Variants in KCTD14 observed in about 807,000 individuals in gnomAD.
KCTD14 encodes potassium channel tetramerization domain containing 14, also known as BTB/POZ domain-containing protein KCTD14.
KCTD14 carries 7 observed loss-of-function variants against 5.9 expected under a neutral mutation model. The observed-to-expected ratio is 1.19, with a 90% confidence interval of 0.68 to 2.23. The LOEUF (loss-of-function observed/expected upper bound fraction) is 2.23. KCTD14 is among the 30% of genes most tolerant of loss of function. The pLI is 0.00. For missense variants in KCTD14, 342 were observed against 332.2 expected, an observed-to-expected ratio of 1.03 and a Z score of -0.23; for synonymous variants, 140 against 133.1, an observed-to-expected ratio of 1.05 and a Z score of -0.36.
At chr11:78,020,001 A>G (rs1160869317) in intron 1 of KCTD14, among the ~76,000 whole-genome samples, 1 of 152,212 alleles carries the variant, frequency 6.6e-6, no homozygotes, top group Non-Finnish European at 1.5e-5. Context: ...TGGGCCTATT[A>G]CATGCAAACC....
At chr11:78,030,256 C>A (rs1398249803) in intron 2 of KCTD14, among the ~76,000 whole-genome samples, 1 of 152,102 alleles carries the variant, frequency 6.6e-6, no homozygotes, top group Non-Finnish European at 1.5e-5. Context: ...CACATTTGAC[C>A]CTGGCAGTTC....
intron 2 of KCTD14, among the ~76,000 whole-genome samples, chr11:78,034,306 A>C (rs1045921005): frequency 6.6e-6 from 1 of 152,132 alleles, no homozygotes; most frequent in Non-Finnish European, 1.5e-5. Context: ...AATTTTTTGT[A>C]GAGACGAGAA....
At chr11:78,033,901 G>GTGTGTGTGTATATATATATA in intron 2 of KCTD14, among the ~76,000 whole-genome samples, 5 of 115,588 alleles carry the variant, frequency 4.3e-5, no homozygotes, top group African/African-American at 3.5e-5. Flanking sequence ...GTGTGTGTGT[G>GTGTGTGTGTATATATATATA]TATATATATA....
At chr11:78,021,436 T>C (rs910296643) in intron 1 of KCTD14, among the ~76,000 whole-genome samples, 1 of 152,050 alleles carries the variant, frequency 6.6e-6, no homozygotes, top group African/African-American at 2.4e-5. Flanking sequence ...TTTTTTGTTT[T>C]GAGACAAGGT....
chr11:78,017,680 C>T (rs761193264), intron 1 of KCTD14, among the ~76,000 whole-genome samples: 13 of 151,932 alleles, frequency 8.6e-5, no homozygotes, highest in Admixed American at 6.6e-5. Flanking sequence ...CCTGACCTCA[C>T]GTGATCCGCC....
chr11:78,020,567 C>A (rs1337327457), intron 1 of KCTD14, among the ~76,000 whole-genome samples: 1 of 152,250 alleles, frequency 6.6e-6, no homozygotes, highest in South Asian at 2.1e-4. Flanking sequence ...TTGGTTAACC[C>A]TGAAGTCACC....
intron 2 of KCTD14, among the ~76,000 whole-genome samples, chr11:78,029,787 CT>C (rs1264522822): frequency 4.4e-4 from 61 of 137,410 alleles, no homozygotes; most frequent in Non-Finnish European, 4.5e-4. Flanking sequence ...TTTTTTTTTT[CT>C]TTTTTTTTTT....
At chr11:78,027,266 C>G (rs1857493935), upstream of KCTD14, among the ~76,000 whole-genome samples, 1 of 152,052 alleles carries the variant, frequency 6.6e-6, no homozygotes, top group South Asian at 2.1e-4. Context: ...GGCATGGAAA[C>G]TCATGCCTGT....
intron 1 of KCTD14, chr11:78,022,827 A>G: frequency 4.0e-6 from 1 of 249,632 alleles, no homozygotes. Context: ...GGGGCAGAGG[A>G]GGAGTCGTGG....
At chr11:78,039,068 C>CAAAAAAAAAAA (rs34453594) in intron 1 of KCTD14, among the ~76,000 whole-genome samples, 1 of 114,752 alleles carries the variant, frequency 8.7e-6, no homozygotes. Flanking sequence ...CTTTAGATTA[C>CAAAAAAAAAAA]AAAAAAAAAA....
chr11:78,034,936 C>G (rs1203670767), intron 2 of KCTD14, among the ~76,000 whole-genome samples: 1 of 152,142 alleles, frequency 6.6e-6, no homozygotes, highest in Non-Finnish European at 1.5e-5. Context: ...CCGCCACCAT[C>G]TTGCCACCAT....
chr11:78,037,529 A>T (rs1201671503), intron 2 of KCTD14, among the ~76,000 whole-genome samples: 1 of 152,068 alleles, frequency 6.6e-6, no homozygotes, highest in Non-Finnish European at 1.5e-5. Context: ...AACTATACTC[A>T]TCCCAGGCTG....
At chr11:78,038,976 G>A (rs780365554) in intron 1 of KCTD14, among the ~76,000 whole-genome samples, 58 of 150,576 alleles carry the variant, frequency 3.9e-4, no homozygotes, top group Non-Finnish European at 7.7e-4. Context: ...CAAGGGCCAG[G>A]AATTGGCGCC....
intron 1 of KCTD14, among the ~76,000 whole-genome samples, chr11:78,041,806 G>T (rs1302983956): frequency 1.3e-5 from 2 of 152,206 alleles, no homozygotes; most frequent in Non-Finnish European, 2.9e-5. Context: ...TCCCAATCGT[G>T]CTAAAGGCTT....
upstream of KCTD14, among the ~76,000 whole-genome samples, chr11:78,025,297 A>G (rs1159971285): frequency 6.6e-6 from 1 of 151,876 alleles, no homozygotes; most frequent in Non-Finnish European, 1.5e-5. Context: ...GGAAGCATCC[A>G]GCACGGGAAA....
upstream of KCTD14, chr11:78,023,830 A>C (rs934180261): frequency 6.5e-6 from 1 of 153,276 alleles, no homozygotes; most frequent in Non-Finnish European, 1.5e-5. Flanking sequence ...ATTGACTGAC[A>C]TTGACAACCA....
At chr11:78,029,000 T>A (rs147691819) in intron 2 of KCTD14, among the ~76,000 whole-genome samples, 70 of 151,588 alleles carry the variant, frequency 4.6e-4, no homozygotes, top group African/African-American at 1.7e-3. Context: ...GCCTGACCAA[T>A]ATGGTGAAAC....
chr11:78,025,161 G>A (rs1260800309), upstream of KCTD14, among the ~76,000 whole-genome samples: 5 of 110,764 alleles, frequency 4.5e-5, no homozygotes, highest in Non-Finnish European at 7.3e-5. Flanking sequence ...TATATAAAGG[G>A]GAGTTTATTA....
chr11:78,019,117 A>G (rs1452514591), intron 1 of KCTD14, among the ~76,000 whole-genome samples: 3 of 149,890 alleles, frequency 2.0e-5, no homozygotes, highest in Non-Finnish European at 4.4e-5. Flanking sequence ...TCAGCCTCCC[A>G]GGCTCAAGCG....
Sources: allele counts gnomAD v4.1 joint callset (sites outside exome capture counted in the v4.1 genomes callset), GRCh38; gene constraint gnomAD v4.1.1; transcripts MANE v1.5; gene names NCBI Gene and HGNC (gene_info 2026-07-23, HGNC 2026-07-21).